PIEZO2: variants seen among roughly 807,000 people sequenced by gnomAD.
PIEZO2 encodes the protein piezo type mechanosensitive ion channel component 2.
A neutral mutation model predicts 337.3 loss-of-function variants in PIEZO2; 172 were observed. The observed-to-expected ratio is 0.51, with a 90% confidence interval of 0.45 to 0.58. The LOEUF (loss-of-function observed/expected upper bound fraction) is 0.58. PIEZO2 is among the 20% of genes least tolerant of loss of function. PIEZO2 has a pLI of 0.00. For synonymous variants in PIEZO2, 1,251 were observed against 1,228.5 expected (o/e 1.02, Z -0.38); for missense variants, 3,028 against 3,391.3 (o/e 0.89, Z 2.66).
chr18:10,678,898 C>G (rs1405758000), intron 52 of PIEZO2, among the ~76,000 whole-genome samples: 2 of 150,946 alleles, frequency 1.3e-5, no homozygotes, highest in Non-Finnish European at 2.9e-5. Flanking sequence ...TGGTGGAATG[C>G]AAGTGATAAT....
chr18:10,857,773 AC>A (rs1231221634), intron 5 of PIEZO2, among the ~76,000 whole-genome samples: 4 of 152,206 alleles, frequency 2.6e-5, no homozygotes, highest in Non-Finnish European at 5.9e-5. Flanking sequence ...AGAGAATGAT[AC>A]GCTGGTTCAA....
At position 10,759,032 on chromosome 18, in the gene PIEZO2, G is replaced by A. The variant is rs899126153; in HGVS notation, c.3757+450C>T. ...TTGGATCACCAGCTGCCATGGGAAG[G>A]CCTTGGGGCTGCAGCCCAATTCTAG... On this transcript the variant is annotated intron_variant, in intron 26 of 55. Coordinates refer to ENST00000674853, the MANE Select transcript of PIEZO2 (RefSeq NM_001378183.1). The surrounding 1 kb of genome is among the most constrained non-coding windows in gnomAD (Gnocchi z 5.5). Among the ~76,000 whole-genome samples the A allele has an allele frequency of 2.6e-5, 4 of 152,194 alleles. No individual in the cohort carries two copies. The highest frequency in any genetic ancestry group is 4.4e-5 in the Non-Finnish European group (3 of 68,038).
rs1215572243 is a variant in PIEZO2 at position 11,069,930 on chromosome 18, A to T, written c.65-3708T>A. ...AAAATCCCATTCACAATAGCTACAA[A>T]TAATACTTAGAAATAAATCTAACCA... On this transcript the variant is annotated intron_variant, in intron 1 of 55. Transcript: ENST00000674853. This position sits in a 1 kb window ranked among gnomAD's most constrained non-coding sequence, Gnocchi z 4.9. Among the ~76,000 whole-genome samples the T allele has an allele frequency of 6.6e-6, 1 of 152,254 alleles. No individual in the cohort carries two copies. The highest frequency in any genetic ancestry group is 2.1e-4 in the South Asian group (1 of 4,832).
chr18:10,817,292 C>T (rs867915451), intron 7 of PIEZO2, among the ~76,000 whole-genome samples: 7 of 152,114 alleles, frequency 4.6e-5, no homozygotes, highest in African/African-American at 7.2e-5. Context: ...ATATCAAATA[C>T]GATGAACACC....
chr18:10,911,069 A>T (rs2030433455), intron 4 of PIEZO2, 117 bp downstream of exon 4: 1 of 772,594 alleles, frequency 1.3e-6, no homozygotes, highest in Non-Finnish European at 2.0e-6. Flanking sequence ...GATCAAGGTC[A>T]TACAGTTACC....
intron 30 of PIEZO2, among the ~76,000 whole-genome samples, chr18:10,747,634 G>A (rs570894251): frequency 2.0e-4 from 30 of 152,280 alleles, no homozygotes; most frequent in African/African-American, 7.0e-4. Context: ...TCCCCGACTA[G>A]GGCCTCTTTC....
At position 11,148,718 on chromosome 18, in the gene PIEZO2, G is replaced by C; in HGVS notation, c.-130C>G. On this transcript the variant is annotated 5_prime_UTR_variant, in exon 1 of 56. Transcript: ENST00000674853. The surrounding 1 kb of genome is among the most constrained non-coding windows in gnomAD (Gnocchi z 5.2). Reference sequence around the variant, plus strand: ...TCGCAGCCACCCGAGCATCGCCTCGGCGCGGGCCGCGACGCTCTCCGCCCC... The same window carrying C: ...TCGCAGCCACCCGAGCATCGCCTCGCCGCGGGCCGCGACGCTCTCCGCCCC... The C allele has an allele frequency of 1.0e-6, 1 of 966,256 alleles. No individual in the cohort carries two copies. The highest frequency in any genetic ancestry group is 1.5e-6 in the Non-Finnish European group (1 of 655,526). 59.9% of individuals were successfully genotyped at this position (966,256 alleles called of 1,614,324 possible). A position where few individuals can be genotyped will look rare whatever the true frequency, so the allele number is the denominator to read the frequency against.
At chr18:10,921,575 C>T (rs527316483) in intron 3 of PIEZO2, among the ~76,000 whole-genome samples, 15 of 152,160 alleles carry the variant, frequency 9.9e-5, no homozygotes, top group Non-Finnish European at 2.9e-5. Flanking sequence ...GATAATTGCA[C>T]TAACTGCACA....
intron 1 of PIEZO2, among the ~76,000 whole-genome samples, chr18:11,118,505 A>G (rs947051209): frequency 6.6e-6 from 1 of 152,228 alleles, no homozygotes; most frequent in African/African-American, 2.4e-5. Flanking sequence ...GATTGCATCT[A>G]ACCTTTGGAT....
rs1421631107 is a variant in PIEZO2 at position 10,748,056 on chromosome 18, G to A, written c.4424+415C>T. Among the ~76,000 whole-genome samples the A allele has an allele frequency of 6.6e-6, 1 of 152,092 alleles. No individual in the cohort carries two copies. Among genetic ancestry groups the A allele is most frequent in the African/African-American group, 2.4e-5 (1 of 41,434 alleles). Reference sequence around the variant, plus strand: ...AGAATGGAGCCTAGGGGAAAAAACAGGTAGTAATGCAAATTGTGTCAGTGG... The same window carrying A: ...AGAATGGAGCCTAGGGGAAAAAACAAGTAGTAATGCAAATTGTGTCAGTGG... On this transcript the variant is annotated intron_variant, in intron 30 of 55. Transcript: ENST00000674853. This position sits in a 1 kb window ranked among gnomAD's most constrained non-coding sequence, Gnocchi z 5.1.
chr18:11,130,024 G>T (rs2040296067), intron 1 of PIEZO2, among the ~76,000 whole-genome samples: 1 of 152,136 alleles, frequency 6.6e-6, no homozygotes, highest in African/African-American at 2.4e-5. Flanking sequence ...CTACTATGGT[G>T]GGAAAGGTCA....
rs9953095 is a variant in PIEZO2 at position 10,833,183 on chromosome 18, C to T, written c.917+22170G>A. Among the ~76,000 whole-genome samples the T allele has an allele frequency of 0.23, 35,246 of 151,986 alleles. 4,659 individuals are homozygous for T. The highest frequency in any genetic ancestry group is 0.63 in the East Asian group (3,206 of 5,122). ...GAACACAGTGGCAGGATGGGGCAGT[C>T]GTCATGAACATGGCACATGGAGCAT... On this transcript the variant is annotated intron_variant, in intron 7 of 55. Coordinates refer to ENST00000674853, the MANE Select transcript of PIEZO2 (RefSeq NM_001378183.1). This position sits in a 1 kb window ranked among gnomAD's most constrained non-coding sequence, Gnocchi z 4.7.
At position 11,024,942 on chromosome 18, in the gene PIEZO2, GTTT is replaced by G. The variant is rs554949643; in HGVS notation, c.160+41182_160+41184del. Among the ~76,000 whole-genome samples, 877 of 144,096 alleles carry G rather than the reference GTTT, an allele frequency of 6.1e-3. 13 individuals carry two copies. Among genetic ancestry groups the G allele is most frequent in the African/African-American group, 0.021 (845 of 39,836 alleles). 94.5% of individuals were successfully genotyped at this position (144,096 alleles called of 152,430 possible). A position where few individuals can be genotyped will look rare whatever the true frequency, so the allele number is the denominator to read the frequency against. On this transcript the variant is annotated intron_variant, in intron 2 of 55. Transcript: ENST00000674853. ...GCATGAGCCACCGTGCCCAGCGAAGGTTTTTTTTTTTTTTAAATAATATTTATA... is the reference window on the plus strand; with the variant it reads ...GCATGAGCCACCGTGCCCAGCGAAGGTTTTTTTTTTTAAATAATATTTATA...
At chr18:11,140,409 TACA>T (rs2040609953) in intron 1 of PIEZO2, among the ~76,000 whole-genome samples, 1 of 152,206 alleles carries the variant, frequency 6.6e-6, no homozygotes, top group African/African-American at 2.4e-5. Flanking sequence ...GCCCTGGAGG[TACA>T]ACACTGACCA....
At chr18:11,144,963 C>T (rs534309475) in intron 1 of PIEZO2, among the ~76,000 whole-genome samples, 3 of 152,172 alleles carry the variant, frequency 2.0e-5, no homozygotes, top group East Asian at 1.9e-4. Flanking sequence ...CATTCTTGAC[C>T]GAAAAAATCT....
chr18:10,887,993 G>C (rs2042656282), intron 4 of PIEZO2, among the ~76,000 whole-genome samples: 2 of 152,094 alleles, frequency 1.3e-5, no homozygotes, highest in African/African-American at 4.8e-5. Flanking sequence ...ACTTTGTAAG[G>C]ATATATTCTG....
At chr18:11,139,908 C>T (rs759986477) in intron 1 of PIEZO2, among the ~76,000 whole-genome samples, 1 of 152,110 alleles carries the variant, frequency 6.6e-6, no homozygotes, top group Non-Finnish European at 1.5e-5. Context: ...GAGTTCTCTT[C>T]TAGGGACACC....
At chr18:10,926,422 T>C (rs985687212) in intron 3 of PIEZO2, among the ~76,000 whole-genome samples, 2 of 152,140 alleles carry the variant, frequency 1.3e-5, no homozygotes, top group Admixed American at 6.5e-5. Context: ...ATATTTTTGG[T>C]GACTATCTTA....
intron 3 of PIEZO2, among the ~76,000 whole-genome samples, chr18:10,933,178 TA>T (rs2032191780): frequency 1.3e-5 from 2 of 152,216 alleles, no homozygotes; most frequent in South Asian, 4.1e-4. Context: ...AGTGGGCAAT[TA>T]ACTTTTCACA....
Sources: gnomAD v4.1 joint callset for allele counts (sites outside exome capture counted in the v4.1 genomes callset) on GRCh38, gnomAD v4.1.1 for gene constraint, Gnocchi (gnomAD v3.1) non-coding constraint, MANE v1.5 for transcripts, NCBI Gene and HGNC (gene_info 2026-07-23, HGNC 2026-07-21) for gene names.